Variants in AQP8 observed in about 807,000 individuals in gnomAD.
AQP8 encodes aquaporin 8.
AQP8 carries 14 observed loss-of-function variants against 26.1 expected under a neutral mutation model. The observed-to-expected ratio is 0.54, with a 90% confidence interval of 0.35 to 0.84. AQP8 has a LOEUF of 0.84. Ranked by LOEUF, AQP8 falls within the 40% of genes least tolerant of loss-of-function variation. The pLI, the probability that AQP8 is intolerant of heterozygous loss-of-function variation, is 0.01. For missense variants in AQP8, 301 were observed against 340.5 expected (o/e 0.88, Z 0.91); for synonymous variants, 131 against 150.7 (o/e 0.87, Z 0.96).
At chr16:25,227,315 G>T in intron 5 of AQP8, 113 bp downstream of exon 5, 1 of 1,423,682 alleles carries the variant, frequency 7.0e-7, no homozygotes, top group South Asian at 1.3e-5. Flanking sequence ...GAGAAAAGAG[G>T]GAGCCTCTTT....
intron 5 of AQP8, among the ~76,000 whole-genome samples, chr16:25,227,895 G>A (rs1055790822): frequency 4.0e-5 from 6 of 151,842 alleles, no homozygotes; most frequent in Admixed American, 3.3e-4. Flanking sequence ...GGTTACAGGC[G>A]TGAGCCACTG....
chr16:25,224,333 C>T, intron 3 of AQP8, 29 bp from the exon 4 acceptor site: 1 of 1,590,600 alleles, frequency 6.3e-7, no homozygotes, highest in Non-Finnish European at 8.6e-7. Context: ...CTCTGCCCCA[C>T]TGTGAGGCTC....
intron 2 of AQP8, among the ~76,000 whole-genome samples, chr16:25,220,053 C>T (rs563199597): frequency 1.4e-5 from 2 of 142,042 alleles, no homozygotes; most frequent in African/African-American, 5.3e-5. Flanking sequence ...AAACAAAAAA[C>T]AAAAAACAAA....
chr16:25,217,618 T>G (rs1166815624), intron 2 of AQP8, among the ~76,000 whole-genome samples, 173 bp downstream of exon 2: 1 of 152,258 alleles, frequency 6.6e-6, no homozygotes, highest in Admixed American at 6.5e-5. Flanking sequence ...CCGCAGCCTG[T>G]GAGCTTGTGA....
intron 3 of AQP8, among the ~76,000 whole-genome samples, chr16:25,222,009 C>T (rs1290168211): frequency 2.0e-5 from 3 of 152,156 alleles, no homozygotes; most frequent in African/African-American, 2.4e-5. Flanking sequence ...CTCAAGTGAT[C>T]TACCTGCCTT....
Position 25,217,131 on chromosome 16 carries a change from G to T in AQP8, c.13-67G>T, listed in dbSNP as rs796179912. ...GGCTGTGAATTAATTCAAGGTTGGG[G>T]GTCGGGGCCTTCTATATCTGGACTT... is the stretch of plus-strand genomic sequence containing the variant. On this transcript the variant is annotated intron_variant, in intron 1 of 5. Transcript: ENST00000219660. The T allele has an allele frequency of 2.8e-5, 45 of 1,613,406 alleles. No individual in the cohort carries two copies. The African/African-American group carries it at 4.3e-4, about 15-fold the overall frequency.
Position 25,217,288 on chromosome 16 carries a change from G to C in AQP8, c.103G>C (p.Val35Leu). The part of the protein sequence containing the change: ...RWRVSWYERF[V>L]QPCLVELLGS... ...GCGAGTGTCCTGGTACGAACGGTTTGTGCAGCCATGTCTGGTCGAACTGCT... is the reference window on the plus strand; with the variant it reads ...GCGAGTGTCCTGGTACGAACGGTTTCTGCAGCCATGTCTGGTCGAACTGCT... The change falls in exon 2 of 6, where the codon GTG (valine) becomes CTG (leucine). Residue 35 changes from valine (V) to leucine (L), a missense_variant. Val to Leu is a conservative substitution (Grantham distance 32). Transcript: ENST00000219660. 5 of 1,614,186 alleles carry C rather than the reference G, an allele frequency of 3.1e-6. No individual in the cohort carries two copies. The highest frequency in any genetic ancestry group is 4.2e-6 in the Non-Finnish European group (5 of 1,180,026).
chr16:25,217,559 C>T, intron 2 of AQP8, 114 bp downstream of exon 2: 1 of 1,417,804 alleles, frequency 7.1e-7, no homozygotes, highest in Non-Finnish European at 9.5e-7. Context: ...TCAAGGAGCG[C>T]TCTGGATAAC....
rs1185688607 is a variant in AQP8 at position 25,228,756 on chromosome 16, C to T, written c.*264C>T. The stretch of plus-strand genomic sequence containing the variant: ...AGAGAGCAGTGCAAACACCACAACA[C>T]GAGCGTGTTTCTTGAGAGGAATGTC... On this transcript the variant is annotated 3_prime_UTR_variant, in exon 6 of 6. Transcript: ENST00000219660. 6.2e-5 allele frequency: 22 copies of T among 356,426 alleles called. No homozygotes were observed. In the South Asian group the frequency reaches 7.0e-4, roughly 11 times the overall value. 22.1% of individuals were successfully genotyped at this position (356,426 alleles called of 1,614,324 possible).
At chr16:25,226,937 G>A (rs1962642583) in intron 4 of AQP8, 131 bp from the exon 5 acceptor site, 1 of 1,363,068 alleles carries the variant, frequency 7.3e-7, no homozygotes, top group East Asian at 2.4e-5. Context: ...GATCTACCCA[G>A]GAGCTCATGA....
At position 25,217,401 on chromosome 16, in the gene AQP8, C is replaced by T. The variant is rs138117795; in HGVS notation, c.216C>T (p.His72=). ...GGCTGCTGCAGCCGGCCCTGGCCCA[C>T]GGGCTGGCTTTGGGGCTCGTGATTG... The part of the protein sequence containing the change: ...DTGLLQPALA[H]GLALGLVIAT... Residue 72 remains histidine, a synonymous_variant, in exon 2 of 6, where the codon CAC becomes CAT. Transcript: ENST00000219660. 2.2e-5 allele frequency: 35 copies of T among 1,613,992 alleles called. No individual in the cohort carries two copies. Among genetic ancestry groups the T allele is most frequent in the South Asian group, 1.8e-4 (16 of 91,090 alleles).
rs7197271 is a variant in AQP8 at position 25,222,379 on chromosome 16, T to C, written c.387+796T>C. 1.7e-3 allele frequency among the ~76,000 whole-genome samples: 261 copies of C among 151,882 alleles called. 1 individual carries two copies. The highest frequency in any genetic ancestry group is 5.9e-3 in the African/African-American group (245 of 41,384). ...TAAAAAATAAATAAATTAAAAAAAA[T>C]TTTTTTCTGTAGAGGTGGGCTCTCG... On this transcript the variant is annotated intron_variant, in intron 3 of 5. Transcript: ENST00000219660.
chr16:25,227,043 G>C, intron 4 of AQP8, 25 bp from the exon 5 acceptor site: 2 of 1,613,430 alleles, frequency 1.2e-6, no homozygotes, highest in East Asian at 2.2e-5. Flanking sequence ...GGATCCTGGT[G>C]ACCTTGGTGC....
chr16:25,221,273 C>T (rs1962558915), intron 2 of AQP8, among the ~76,000 whole-genome samples, 184 bp from the exon 3 acceptor site: 1 of 152,118 alleles, frequency 6.6e-6, no homozygotes, highest in Admixed American at 6.5e-5. Context: ...TTATCTCTTA[C>T]CCTCTGCCTG....
chr16:25,222,530 A>G (rs957170833), intron 3 of AQP8, among the ~76,000 whole-genome samples: 3 of 151,962 alleles, frequency 2.0e-5, no homozygotes, highest in Non-Finnish European at 4.4e-5. Flanking sequence ...TCATAGCTTT[A>G]TGCATAAATC....
At chr16:25,218,255 G>A (rs77571001) in intron 2 of AQP8, among the ~76,000 whole-genome samples, 5,295 of 152,304 alleles carry the variant, frequency 0.035, 112 homozygotes, top group African/African-American at 0.05. Flanking sequence ...AAGCAGAAAT[G>A]CATAGAAGAC....
chr16:25,220,428 C>T (rs1368519827), intron 2 of AQP8, among the ~76,000 whole-genome samples: 1 of 151,886 alleles, frequency 6.6e-6, no homozygotes, highest in African/African-American at 2.4e-5. Context: ...AGTGCAGCCA[C>T]CCTGGCTCTG....
chr16:25,223,669 A>T (rs1185495901), intron 3 of AQP8, among the ~76,000 whole-genome samples: 4 of 152,160 alleles, frequency 2.6e-5, no homozygotes, highest in Non-Finnish European at 4.4e-5. Flanking sequence ...TGATCGTGTC[A>T]CTGCACTCCA....
intron 2 of AQP8, among the ~76,000 whole-genome samples, chr16:25,218,149 T>C (rs1249811521): frequency 6.6e-6 from 1 of 152,156 alleles, no homozygotes; most frequent in Non-Finnish European, 1.5e-5. Context: ...GCGGAAGTCA[T>C]GAGAATTAAA....
Sources: gnomAD v4.1 joint callset for allele counts (sites outside exome capture counted in the v4.1 genomes callset) on GRCh38, gnomAD v4.1.1 for gene constraint, MANE v1.5 for transcripts, NCBI Gene and HGNC (gene_info 2026-07-23, HGNC 2026-07-21) for gene names.